Variants in NEK10 observed in about 807,000 individuals in gnomAD.
NEK10 encodes the protein NIMA related kinase 10.
NEK10 carries 122 observed loss-of-function variants against 159.8 expected under a neutral mutation model. The ratio of observed to expected loss-of-function variants is 0.76; its 90% confidence interval spans 0.66 to 0.89. The LOEUF is 0.89. NEK10 is among the 40% of genes least tolerant of loss of function. The pLI is 0.00. For synonymous variants in NEK10, 466 were observed against 457.1 expected, an observed-to-expected ratio of 1.02 and a Z score of -0.25; for missense variants, 1,342 against 1,323.1, an observed-to-expected ratio of 1.01 and a Z score of -0.22.
chr3:27,339,437 C>T (rs989850522), intron 5 of NEK10, among the ~76,000 whole-genome samples: 19 of 152,116 alleles, frequency 1.2e-4, no homozygotes, highest in African/African-American at 4.6e-4. Context: ...AGCCAACAAA[C>T]ATATGAAAAG....
intron 30 of NEK10, 77 bp from the exon 31 acceptor site, chr3:27,141,659 AAC>A: frequency 8.8e-7 from 1 of 1,132,350 alleles, no homozygotes; most frequent in South Asian, 1.3e-5. Flanking sequence ...GTAAAATTCT[AAC>A]ACAAATTTTA....
At chr3:27,154,451 G>A (rs1475154776) in intron 30 of NEK10, among the ~76,000 whole-genome samples, 4 of 152,192 alleles carry the variant, frequency 2.6e-5, no homozygotes, top group Middle Eastern at 3.4e-3. Flanking sequence ...ATTCTATGAC[G>A]CCAGCATCGC....
chr3:27,181,711 G>A (rs1284023242), intron 26 of NEK10, among the ~76,000 whole-genome samples: 1 of 151,998 alleles, frequency 6.6e-6, no homozygotes, highest in Admixed American at 6.6e-5. Context: ...CTTAAATATA[G>A]TTTTATTTAT....
At chr3:27,131,683 T>C (rs1264642171) in intron 32 of NEK10, among the ~76,000 whole-genome samples, 197 bp downstream of exon 32, 1 of 152,160 alleles carries the variant, frequency 6.6e-6, no homozygotes, top group Non-Finnish European at 1.5e-5. Context: ...AAGCTATCCA[T>C]TTGTTATCTA....
intron 25 of NEK10, chr3:27,194,411 G>C (rs1341052184): frequency 6.6e-6 from 1 of 152,088 alleles, no homozygotes; most frequent in African/African-American, 2.4e-5. Flanking sequence ...CACCGCGCCC[G>C]GCCTCAGAGA....
rs1278923027 is a variant in NEK10, at chr3:27,353,941, A to G, written c.-37-1022T>C. Among the ~76,000 whole-genome samples, 3 of 152,320 alleles carry G rather than the reference A, an allele frequency of 2.0e-5. No individual in the cohort carries two copies. In the East Asian group the frequency reaches 5.8e-4, roughly 29 times the overall value. ...AGGGAGAAGGGAGAGAAGGGGAGGT[A>G]AAAAGAATGGAGGATCTGCAAGGTA... On this transcript the variant is annotated intron_variant, in intron 1 of 35. Transcript: ENST00000691995.
chr3:27,358,774 A>G (rs1431837587), intron 1 of NEK10, among the ~76,000 whole-genome samples: 1 of 152,204 alleles, frequency 6.6e-6, no homozygotes, highest in Non-Finnish European at 1.5e-5. Context: ...TATAAAACAG[A>G]GTCATTTGAA....
chr3:27,311,260 C>G (rs539025538), intron 8 of NEK10: 1 of 335,392 alleles, frequency 3.0e-6, no homozygotes. Flanking sequence ...CCAAAAAAGG[C>G]AAACCTCTCT....
intron 23 of NEK10, among the ~76,000 whole-genome samples, chr3:27,232,788 CA>C (rs1420724526): frequency 2.6e-5 from 4 of 151,874 alleles, no homozygotes; most frequent in African/African-American, 9.7e-5. Flanking sequence ...TTCAACAAAA[CA>C]AACAAAAACA....
intron 13 of NEK10, among the ~76,000 whole-genome samples, chr3:27,300,674 T>C (rs746775267): frequency 7.2e-5 from 11 of 152,144 alleles, no homozygotes; most frequent in Non-Finnish European, 1.5e-4. Flanking sequence ...CACATCTAAG[T>C]AACTGTTCTT....
At chr3:27,305,582 A>T (rs1038789536) in intron 11 of NEK10, among the ~76,000 whole-genome samples, 1 of 150,694 alleles carries the variant, frequency 6.6e-6, no homozygotes, top group African/African-American at 2.5e-5. Flanking sequence ...GGTATCAAGG[A>T]CAAACAATGA....
intron 5 of NEK10, among the ~76,000 whole-genome samples, chr3:27,339,445 A>T (rs1459961245): frequency 6.6e-6 from 1 of 152,184 alleles, no homozygotes; most frequent in Admixed American, 6.5e-5. Context: ...AACATATGAA[A>T]AGGAGCTCAT....
intron 23 of NEK10, among the ~76,000 whole-genome samples, chr3:27,234,199 GA>G (rs1953649717): frequency 6.6e-6 from 1 of 151,936 alleles, no homozygotes; most frequent in African/African-American, 2.4e-5. Context: ...CATTTTCCTT[GA>G]AAACCAGCAC....
In NEK10 at chr3:27,114,357, G is replaced by T. The variant is rs530335060; in HGVS notation, c.3299+1583C>A. On this transcript the variant is annotated intron_variant, in intron 35 of 35. Coordinates refer to ENST00000691995, the MANE Select transcript of NEK10 (RefSeq NM_001394966.1). The stretch of plus-strand genomic sequence containing the variant: ...CAGGGATGGTGGGAGGAGAGTAGTT[G>T]TGGAGATGGTAATTTCTATTGACGG... Among the ~76,000 whole-genome samples the T allele has an allele frequency of 2.0e-5, 3 of 152,338 alleles. No individual in the cohort carries two copies. The South Asian group carries it at 6.2e-4, about 32-fold the overall frequency.
chr3:27,197,557 C>T (rs1949665811), intron 25 of NEK10, among the ~76,000 whole-genome samples: 1 of 152,060 alleles, frequency 6.6e-6, no homozygotes, highest in Admixed American at 6.5e-5. Context: ...GGCCTTAAGA[C>T]TGTAGATTTC....
At chr3:27,162,829 A>T in intron 29 of NEK10, 91 bp from the exon 30 acceptor site, 1 of 1,549,790 alleles carries the variant, frequency 6.5e-7, no homozygotes, top group Admixed American at 1.9e-5. Context: ...CTACATTATA[A>T]AGATTAATAG....
chr3:27,308,005 GT>G, intron 10 of NEK10, 60 bp from the exon 11 acceptor site: 1 of 825,210 alleles, frequency 1.2e-6, no homozygotes, highest in Non-Finnish European at 2.1e-6. Context: ...CCATGTATTA[GT>G]CCTTTTTCAA....
chr3:27,237,767 C>T (rs564032187), intron 23 of NEK10, among the ~76,000 whole-genome samples: 7 of 152,148 alleles, frequency 4.6e-5, no homozygotes, highest in African/African-American at 1.4e-4. Flanking sequence ...ACTTAAGAAC[C>T]TATCCATGCA....
intron 23 of NEK10, among the ~76,000 whole-genome samples, chr3:27,230,596 C>A (rs1233564213): frequency 2.0e-5 from 3 of 151,846 alleles, no homozygotes; most frequent in Admixed American, 1.3e-4. Flanking sequence ...AGAAAACAAC[C>A]AACCAAATAT....
Sources: gnomAD v4.1 joint callset for allele counts (sites outside exome capture counted in the v4.1 genomes callset) on GRCh38, gnomAD v4.1.1 for gene constraint, MANE v1.5 for transcripts, NCBI Gene and HGNC (gene_info 2026-07-23, HGNC 2026-07-21) for gene names.